AHR: variants seen among roughly 807,000 people sequenced by gnomAD.
AHR encodes AH-receptor.
In AHR, 40 loss-of-function variants were observed where a neutral mutation model predicts 86.8. That is an observed-to-expected ratio of 0.46 (90% CI 0.36 to 0.60). The LOEUF (loss-of-function observed/expected upper bound fraction) is 0.60. Among genes scored for constraint, AHR ranks in the 20% least tolerant of loss-of-function variants. The pLI, the probability that AHR is intolerant of heterozygous loss-of-function variation, is 0.00. For synonymous variants in AHR, 398 were observed against 354.9 expected, an observed-to-expected ratio of 1.12 and a Z score of -1.37; for missense variants, 1,001 against 1,011.6, an observed-to-expected ratio of 0.99 and a Z score of 0.14.
chr7:17,339,693 A>G lies in AHR; in HGVS notation c.1868A>G (p.Gln623Arg). ...GAACACCTACATCTAGAACAGCAAC[A>G]GCAACATCACCAAAAGCAAGTAGTA... ...VQEHLHLEQQ[Q>R]QHHQKQVVVE... Residue 623 changes from glutamine (Q) to arginine (R), a missense_variant, in exon 10 of 11, where the codon CAG becomes CGG. Coordinates refer to ENST00000242057, the MANE Select transcript of AHR (RefSeq NM_001621.5). 6.2e-7 allele frequency: 1 copy of G among 1,614,172 alleles called. No homozygotes were observed. Among genetic ancestry groups the G allele is most frequent in the East Asian group, 2.2e-5 (1 of 44,884 alleles).
chr7:17,340,290 T>G, intron 10 of AHR, 62 bp downstream of exon 10: 1 of 1,502,564 alleles, frequency 6.7e-7, no homozygotes, highest in Non-Finnish European at 8.9e-7. Flanking sequence ...ATAGACATGT[T>G]ACACATTTTT....
At chr7:17,312,940 AG>A (rs1782080862) in intron 2 of AHR, among the ~76,000 whole-genome samples, 1 of 152,178 alleles carries the variant, frequency 6.6e-6, no homozygotes, top group Non-Finnish European at 1.5e-5. Flanking sequence ...GATTTAGCCT[AG>A]CCTTGATTAT....
At position 17,339,426 on chromosome 7, in the gene AHR, G is replaced by A; in HGVS notation, c.1601G>A (p.Ser534Asn). Residue 534 changes from serine to asparagine, a missense_variant, in exon 10 of 11, where the codon AGT (serine) becomes AAT (asparagine). Ser to Asn is a conservative substitution (Grantham distance 46). Transcript: ENST00000242057. ...AGGHPGLFQD[S>N]KNSDLYSIMK... ...GGTCACCCAGGGCTCTTTCAAGATA[G>A]TAAAAACAGTGACTTGTACAGCATA... 4 of 1,614,178 alleles carry A rather than the reference G, an allele frequency of 2.5e-6. No homozygotes were observed. Among genetic ancestry groups the A allele is most frequent in the Non-Finnish European group, 3.4e-6 (4 of 1,180,018 alleles).
intron 9 of AHR, among the ~76,000 whole-genome samples, chr7:17,337,771 G>A (rs576943078): frequency 3.3e-5 from 5 of 151,492 alleles, no homozygotes; most frequent in Admixed American, 6.6e-5. Context: ...CACCGCGCCC[G>A]GCCCTTTTTA....
intron 10 of AHR, among the ~76,000 whole-genome samples, chr7:17,342,673 T>G (rs1782438677): frequency 6.6e-6 from 1 of 152,152 alleles, no homozygotes; most frequent in Admixed American, 6.5e-5. Flanking sequence ...GCTGCATCAC[T>G]CATCTGTACC....
At chr7:17,333,552 A>G (rs1198484708) in intron 6 of AHR, among the ~76,000 whole-genome samples, 2 of 151,856 alleles carry the variant, frequency 1.3e-5, no homozygotes, top group Non-Finnish European at 2.9e-5. Flanking sequence ...ATGAATGTTT[A>G]CTTTAGGACT....
In AHR at chr7:17,339,779, G is replaced by GA; in HGVS notation, c.1958dup (p.Asn653LysfsTer5). ...GCACATGCAAGTTAATGGCATGTTTGAAAATTGGAACTCTAACCAATTCGT... is the reference window on the plus strand; with the variant it reads ...GCACATGCAAGTTAATGGCATGTTTGAAAAATTGGAACTCTAACCAATTCGT... On this transcript the variant is annotated frameshift_variant, in exon 10 of 11. Transcript: ENST00000242057. 6.2e-7 allele frequency: 1 copy of GA among 1,614,176 alleles called. No individual in the cohort carries two copies. The highest frequency in any genetic ancestry group is 8.5e-7 in the Non-Finnish European group (1 of 1,180,030).
chr7:17,344,570 C>T lies in AHR; in HGVS notation c.*1506C>T, dbSNP rs989504029. On this transcript the variant is annotated 3_prime_UTR_variant, in exon 11 of 11. Transcript: ENST00000242057. ...TCATTACCAATAGGCAAATTAATCACCCTACCAACTTTACTGTCCTAACAT... is the reference window on the plus strand; with the variant it reads ...TCATTACCAATAGGCAAATTAATCATCCTACCAACTTTACTGTCCTAACAT... 2 of 151,846 alleles carry T rather than the reference C, an allele frequency of 1.3e-5. No individual in the cohort carries two copies. The highest frequency in any genetic ancestry group is 6.6e-5 in the Admixed American group (1 of 15,206). 9.4% of individuals were successfully genotyped at this position (151,846 alleles called of 1,614,324 possible).
At chr7:17,310,216 G>T (rs777102027) in intron 2 of AHR, 93 bp downstream of exon 2, 22 of 1,217,972 alleles carry the variant, frequency 1.8e-5, no homozygotes, top group Non-Finnish European at 2.4e-5. Context: ...ACAAAAATTA[G>T]CCGTATTTGG....
chr7:17,334,443 T>G (rs1782333831), intron 7 of AHR, among the ~76,000 whole-genome samples: 1 of 152,004 alleles, frequency 6.6e-6, no homozygotes, highest in Non-Finnish European at 1.5e-5. Flanking sequence ...TTTAGTAACT[T>G]TCAGAAAATT....
chr7:17,342,870 G>C lies in AHR; in HGVS notation c.2404-51G>C, dbSNP rs370524836. On this transcript the variant is annotated intron_variant, in intron 10 of 10. Coordinates refer to ENST00000242057, the MANE Select transcript of AHR (RefSeq NM_001621.5). ...ATGTTAATGTTATTTACTGGCTTAA[G>C]ATACTTGGAAGATCTATTCCAATAA... The C allele has an allele frequency of 2.6e-6, 4 of 1,551,672 alleles. No homozygotes were observed. In the African/African-American group the frequency reaches 5.5e-5, roughly 21 times the overall value.
At chr7:17,335,939 GAGA>G in intron 9 of AHR, 153 bp downstream of exon 9, 1 of 723,822 alleles carries the variant, frequency 1.4e-6, no homozygotes. Context: ...GAGAGACATT[GAGA>G]AGATAGAATT....
At position 17,299,038 on chromosome 7, in the gene AHR, G is replaced by A. The variant is rs1781923236; in HGVS notation, c.-227G>A. 6.2e-6 allele frequency: 3 copies of A among 486,540 alleles called. No homozygotes were observed. The South Asian group carries it at 1.2e-4, about 20-fold the overall frequency. 30.1% of individuals were successfully genotyped at this position (486,540 alleles called of 1,614,324 possible). A position where few individuals can be genotyped will look rare whatever the true frequency, so the allele number is the denominator to read the frequency against. On this transcript the variant is annotated 5_prime_UTR_variant, in exon 1 of 11. Transcript: ENST00000242057. The stretch of plus-strand genomic sequence containing the variant: ...TCTCCGCCCCTCGCCCACCCTCACT[G>A]CGCCAGGCCCAGGCAGCTCACCTGT...
rs973991400 is a variant in AHR, at chr7:17,343,049, C to T, written c.2532C>T (p.Ser844=). 3 of 1,613,708 alleles carry T rather than the reference C, an allele frequency of 1.9e-6. No individual in the cohort carries two copies. The highest frequency in any genetic ancestry group is 1.3e-5 in the African/African-American group (1 of 74,892). ...CCAGACCTTTTCCTGATTTGACATCCAGTGGATTCCTGTAATTCCAAGCCC... is the reference window on the plus strand; with the variant it reads ...CCAGACCTTTTCCTGATTTGACATCTAGTGGATTCCTGTAATTCCAAGCCC... The part of the protein sequence containing the change: ...SEARPFPDLT[S]SGFL Residue 844 remains serine (S), a synonymous_variant, in exon 11 of 11, where the codon TCC becomes TCT. Transcript: ENST00000242057.
chr7:17,298,959 T>C lies in AHR; in HGVS notation c.-306T>C, dbSNP rs942763840. The stretch of plus-strand genomic sequence containing the variant: ...GCCCGGGCCGCCTCACCTGCGGGCA[T>C]TGCCGCGCCGCCTCCGCCGGTGTAG... On this transcript the variant is annotated 5_prime_UTR_variant, in exon 1 of 11. Coordinates refer to ENST00000242057, the MANE Select transcript of AHR (RefSeq NM_001621.5). The C allele has an allele frequency of 1.4e-5, 6 of 440,842 alleles. No individual in the cohort carries two copies. In the East Asian group the frequency reaches 2.1e-4, roughly 16 times the overall value. 27.3% of individuals were successfully genotyped at this position (440,842 alleles called of 1,614,324 possible).
chr7:17,300,092 A>G (rs753434450), intron 1 of AHR, among the ~76,000 whole-genome samples: 3 of 152,260 alleles, frequency 2.0e-5, no homozygotes, highest in Non-Finnish European at 4.4e-5. Flanking sequence ...CTTAACATCT[A>G]CCTCTAATTC....
In AHR at chr7:17,310,015, C is replaced by A. The variant is rs765854852; in HGVS notation, c.145C>A (p.Arg49Ser). The stretch of plus-strand genomic sequence containing the variant: ...AGACCGACTTAATACAGAGTTGGAC[C>A]GTTTGGCTAGCCTGCTGCCTTTCCC... ...HRDRLNTELDRLASLLPFPQD... is the reference protein window; with the variant it reads ...HRDRLNTELDSLASLLPFPQD... Residue 49 changes from arginine to serine, a missense_variant, in exon 2 of 11, where the codon CGT becomes AGT. This residue lies in a region of AHR where 394 missense variants were observed against 468.5 expected (regional missense o/e 0.84). Transcript: ENST00000242057. 6.2e-7 allele frequency: 1 copy of A among 1,613,828 alleles called. No homozygotes were observed. Among genetic ancestry groups the A allele is most frequent in the Non-Finnish European group, 8.5e-7 (1 of 1,179,822 alleles).
intron 10 of AHR, 61 bp downstream of exon 10, chr7:17,340,289 T>G: frequency 6.7e-7 from 1 of 1,503,020 alleles, no homozygotes; most frequent in African/African-American, 1.4e-5. Context: ...TATAGACATG[T>G]TACACATTTT....
In AHR at chr7:17,339,565, A is replaced by C. The variant is rs1284269108; in HGVS notation, c.1740A>C (p.Glu580Asp). The change falls in exon 10 of 11, where the codon GAA (glutamate) becomes GAC (aspartate). Residue 580 changes from glutamate to aspartate, a missense_variant. Glu to Asp is a conservative substitution (Grantham distance 45, BLOSUM62 2). Transcript: ENST00000242057. ...TCAGAGACATTGACTTAACGGATGA[A>C]ATCCTGACGTATGTCCAAGATTCTT... Reference protein sequence around the residue: ...VDFRDIDLTDEILTYVQDSLS... With the variant: ...VDFRDIDLTDDILTYVQDSLS... 6.2e-7 allele frequency: 1 copy of C among 1,614,178 alleles called. No homozygotes were observed. Among genetic ancestry groups the C allele is most frequent in the East Asian group, 2.2e-5 (1 of 44,884 alleles).
Sources: allele counts gnomAD v4.1 joint callset (sites outside exome capture counted in the v4.1 genomes callset), GRCh38; gene constraint gnomAD v4.1.1; regional missense constraint gnomAD v4.1.1; transcripts MANE v1.5; gene names NCBI Gene and HGNC (gene_info 2026-07-23, HGNC 2026-07-21).